The following AGBL2 variants were observed in gnomAD, a reference collection of about 807,000 sequenced individuals.
AGBL2 encodes cytosolic carboxypeptidase 2.
Under a neutral mutation model 103.0 loss-of-function variants are expected in AGBL2, and 87 were observed. The observed-to-expected ratio is 0.84, with a 90% CI of 0.71 to 1.01. The LOEUF (loss-of-function observed/expected upper bound fraction) is 1.01. AGBL2 is among the 50% of genes least tolerant of loss of function. The pLI is 0.00. For missense variants in AGBL2, 904 were observed against 1,023.5 expected (o/e 0.88, Z 1.59); for synonymous variants, 335 against 356.7 (o/e 0.94, Z 0.69).
chr11:47,690,153 C>G lies in AGBL2; in HGVS notation c.1554G>C (p.Arg518Ser). The change falls in exon 10 of 19, where the codon AGG becomes AGC. Residue 518 changes from arginine (R) to serine (S), a missense_variant. By Grantham distance (110) the Arg-to-Ser change is moderately radical. Transcript: ENST00000525123. ...VGNYRCSLAGRDLNRHYKTIL... is the reference protein window; with the variant it reads ...VGNYRCSLAGSDLNRHYKTIL... ...TGGTTTTATAATGCCTGTTCAAATC[C>G]CTTCCGGCCAAGGAACACCGATAAT... 1 of 1,614,096 alleles carries G rather than the reference C, an allele frequency of 6.2e-7. No homozygotes were observed. The highest frequency in any genetic ancestry group is 8.5e-7 in the Non-Finnish European group (1 of 1,180,014).
In AGBL2 at chr11:47,666,963, A is replaced by T; in HGVS notation, c.2441T>A (p.Leu814Ter). 6.2e-7 allele frequency: 1 copy of T among 1,608,962 alleles called. No homozygotes were observed. The change falls in exon 17 of 19, where the codon TTA becomes TAA. Residue 814 changes from leucine to a stop codon, truncating the protein, a stop_gained. Coordinates refer to ENST00000525123, the MANE Select transcript of AGBL2 (RefSeq NM_024783.4). LOFTEE classifies it high-confidence loss of function. The part of the protein sequence containing the change: ...FLPMKNENPR[L>*]NETNLNRRDK... ...CAAAAACAAAAATACTACCTCATTTAACCTTGGGTTTTCATTTTTCATTGG... is the reference window on the plus strand; with the variant it reads ...CAAAAACAAAAATACTACCTCATTTTACCTTGGGTTTTCATTTTTCATTGG...
chr11:47,699,387 A>G (rs1198473857), intron 8 of AGBL2, 59 bp downstream of exon 8: 8 of 959,800 alleles, frequency 8.3e-6, no homozygotes, highest in Non-Finnish European at 1.1e-5. Flanking sequence ...ATTATGGAAC[A>G]TATGTTTATT....
chr11:47,704,677 T>A lies in AGBL2; in HGVS notation c.452A>T (p.Asp151Val), dbSNP rs749472937. Residue 151 changes from aspartate to valine, a missense_variant, in exon 7 of 19, where the codon GAT becomes GTT. Coordinates refer to ENST00000525123, the MANE Select transcript of AGBL2 (RefSeq NM_024783.4). Reference protein sequence around the residue: ...PHLRSRQLLYDELDEVNPRLR... With the variant: ...PHLRSRQLLYVELDEVNPRLR... ...ACGTGGGTTTACTTCATCCAACTCA[T>A]CATAAAGAAGCTGTCTGCTCCTAAG... is the stretch of plus-strand genomic sequence containing the variant. 5 of 1,613,914 alleles carry A rather than the reference T, an allele frequency of 3.1e-6. No homozygotes were observed. Among genetic ancestry groups the A allele is most frequent in the African/African-American group, 1.3e-5 (1 of 74,838 alleles).
chr11:47,714,508 A>G (rs972810366), intron 2 of AGBL2, 110 bp downstream of exon 2: 3 of 1,378,800 alleles, frequency 2.2e-6, no homozygotes, highest in Non-Finnish European at 3.1e-6. Context: ...CAGCTGAGAA[A>G]AGATGCCACC....
At chr11:47,666,846 A>G in intron 17 of AGBL2, 110 bp downstream of exon 17, 1 of 750,774 alleles carries the variant, frequency 1.3e-6, no homozygotes. Flanking sequence ...TGGCACTGTC[A>G]GGTTAGGGTA....
intron 8 of AGBL2, among the ~76,000 whole-genome samples, chr11:47,694,861 A>C (rs916479611): frequency 6.6e-6 from 1 of 152,192 alleles, no homozygotes; most frequent in Non-Finnish European, 1.5e-5. Context: ...CAAAAATGGC[A>C]CAACAGGCCA....
At chr11:47,709,649 G>A (rs1044388401) in intron 4 of AGBL2, among the ~76,000 whole-genome samples, 6 of 149,836 alleles carry the variant, frequency 4.0e-5, no homozygotes, top group African/African-American at 7.4e-5. Context: ...ATGCAGTGGC[G>A]CAATCTCAGC....
In AGBL2 at chr11:47,678,343, A is replaced by ATTATTTTTTTTTTTTTTTTTTTTTTTTT. The variant is rs2097385523; in HGVS notation, c.2017-943_2017-942insAAAAAAAAAAAAAAAAAAAAAAAAATAA. On this transcript the variant is annotated intron_variant, in intron 13 of 18. Transcript: ENST00000525123. ...TTATTTTATTTTATTTTATTATTTT[A>ATTATTTTTTTTTTTTTTTTTTTTTTTTT]TTTTTTTTGAGACGGAGTCTTGCTC... Among the ~76,000 whole-genome samples the ATTATTTTTTTTTTTTTTTTTTTTTTTTT allele has an allele frequency of 9.3e-4, 108 of 116,736 alleles. 1 individual carries two copies. Among genetic ancestry groups the ATTATTTTTTTTTTTTTTTTTTTTTTTTT allele is most frequent in the East Asian group, 3.8e-3 (13 of 3,390 alleles). 76.6% of individuals were successfully genotyped at this position (116,736 alleles called of 152,430 possible). A position where few individuals can be genotyped will look rare whatever the true frequency, so the allele number is the denominator to read the frequency against.
chr11:47,714,202 C>A, intron 3 of AGBL2, 82 bp downstream of exon 3: 1 of 1,003,782 alleles, frequency 1.0e-6, no homozygotes, highest in Non-Finnish European at 1.6e-6. Context: ...ATTAGTCTAC[C>A]CAAGTGCAAC....
At chr11:47,669,024 T>C in intron 14 of AGBL2, 117 bp from the exon 15 acceptor site, 1 of 690,330 alleles carries the variant, frequency 1.4e-6, no homozygotes, top group Non-Finnish European at 2.5e-6. Context: ...AGTCTACTAT[T>C]TCTCTCATTG....
chr11:47,710,234 A>C, intron 4 of AGBL2, 143 bp downstream of exon 4: 1 of 960,098 alleles, frequency 1.0e-6, no homozygotes. Context: ...AAGTAGATTT[A>C]GAGAGAAGTT....
intron 7 of AGBL2, 58 bp from the exon 8 acceptor site, chr11:47,699,611 G>T: frequency 1.1e-6 from 1 of 898,950 alleles, no homozygotes; most frequent in Non-Finnish European, 1.7e-6. Context: ...GGCACTATCA[G>T]AACTAATATA....
At chr11:47,669,223 A>C (rs984641511) in intron 14 of AGBL2, among the ~76,000 whole-genome samples, 1 of 152,130 alleles carries the variant, frequency 6.6e-6, no homozygotes, top group Non-Finnish European at 1.5e-5. Flanking sequence ...TCATGCCGCC[A>C]TGCCTGGCTA....
At position 47,685,867 on chromosome 11, in the gene AGBL2, G is replaced by A. The variant is rs533336977; in HGVS notation, c.1788+26C>T. The A allele has an allele frequency of 1.9e-5, 30 of 1,606,838 alleles. No homozygotes were observed. In the South Asian group the frequency reaches 2.9e-4, roughly 15 times the overall value. ...GAGTTCCCATGTCCCTAACTCAATGGAGAGAAAATTACATTATGTGCTTAC... is the reference window on the plus strand; with the variant it reads ...GAGTTCCCATGTCCCTAACTCAATGAAGAGAAAATTACATTATGTGCTTAC... On this transcript the variant is annotated intron_variant, in intron 11 of 18. Coordinates refer to ENST00000525123, the MANE Select transcript of AGBL2 (RefSeq NM_024783.4).
intron 10 of AGBL2, among the ~76,000 whole-genome samples, chr11:47,688,222 G>A (rs942601176): frequency 6.6e-6 from 1 of 152,054 alleles, no homozygotes; most frequent in Non-Finnish European, 1.5e-5. Context: ...GCCTCTCAAA[G>A]TGCTGGGATT....
Position 47,714,346 on chromosome 11 carries a change from G to A in AGBL2, c.35C>T (p.Thr12Ile). 1 of 1,612,300 alleles carries A rather than the reference G, an allele frequency of 6.2e-7. No individual in the cohort carries two copies. ...FPALETHLKQ[T>I]IPDPYEDFMY... ...AAAGTCTTCATAAGGATCAGGAATA[G>A]TCTGTGAAAGGAAAGGCCACTTCAA... The change falls in exon 3 of 19, where the codon ACT (threonine) becomes ATT (isoleucine). Residue 12 changes from threonine to isoleucine, a missense_variant and splice_region_variant. Transcript: ENST00000525123.
chr11:47,689,349 G>A (rs1225031469), intron 10 of AGBL2, among the ~76,000 whole-genome samples: 4 of 141,374 alleles, frequency 2.8e-5, no homozygotes, highest in Non-Finnish European at 6.0e-5. Context: ...CTGCCACCCA[G>A]GCTAGAGTGC....
At chr11:47,688,618 C>G (rs982341152) in intron 10 of AGBL2, among the ~76,000 whole-genome samples, 2 of 152,086 alleles carry the variant, frequency 1.3e-5, no homozygotes, top group Admixed American at 1.3e-4. Context: ...TTATCTCAAT[C>G]CTCACAGTAA....
chr11:47,709,970 A>AC (rs1311606677), intron 4 of AGBL2, among the ~76,000 whole-genome samples: 2 of 151,516 alleles, frequency 1.3e-5, no homozygotes, highest in African/African-American at 4.9e-5. Context: ...GCTCATTGCA[A>AC]CCTCCGCCTC....
Sources: allele counts gnomAD v4.1 joint callset (sites outside exome capture counted in the v4.1 genomes callset), GRCh38; gene constraint gnomAD v4.1.1; transcripts MANE v1.5; gene names NCBI Gene and HGNC (gene_info 2026-07-23, HGNC 2026-07-21).